The following DPYSL3 variants were observed in gnomAD, a reference collection of about 807,000 sequenced individuals.
DPYSL3 encodes the protein dihydropyrimidinase-related protein 3.
Under a neutral mutation model 66.1 loss-of-function variants are expected in DPYSL3, and 16 were observed. The ratio of observed to expected loss-of-function variants is 0.24; its 90% CI spans 0.16 to 0.37. DPYSL3 has a LOEUF of 0.37. DPYSL3 is among the 10% of genes least tolerant of loss of function. DPYSL3 has a pLI of 1.00. For missense variants in DPYSL3, 738 were observed against 916.2 expected, an observed-to-expected ratio of 0.81 and a Z score of 2.51; for synonymous variants, 338 against 345.1, an observed-to-expected ratio of 0.98 and a Z score of 0.23.
intron 1 of DPYSL3, among the ~76,000 whole-genome samples, chr5:147,477,951 G>A (rs1046117941): frequency 2.0e-5 from 3 of 152,180 alleles, no homozygotes; most frequent in Admixed American, 1.3e-4. Flanking sequence ...AGAGAGAAAA[G>A]GAAGACTGCC....
chr5:147,506,391 A>T (rs542167638), intron 1 of DPYSL3, among the ~76,000 whole-genome samples: 1 of 152,236 alleles, frequency 6.6e-6, no homozygotes, highest in South Asian at 2.1e-4. Flanking sequence ...TGCCATGGAG[A>T]CAATAGTAAG....
At chr5:147,439,424 G>A (rs1752489197) in intron 1 of DPYSL3, among the ~76,000 whole-genome samples, 1 of 152,052 alleles carries the variant, frequency 6.6e-6, no homozygotes, top group African/African-American at 2.4e-5. Flanking sequence ...GGACATGAAA[G>A]TGTCATAATG....
intron 1 of DPYSL3, among the ~76,000 whole-genome samples, chr5:147,490,057 C>A (rs1027128663): frequency 6.6e-6 from 1 of 152,090 alleles, no homozygotes; most frequent in Non-Finnish European, 1.5e-5. Flanking sequence ...GCTCTTATGG[C>A]CCCTGCACCC....
intron 1 of DPYSL3, among the ~76,000 whole-genome samples, chr5:147,472,089 T>C (rs565462942): frequency 5.3e-5 from 8 of 152,202 alleles, no homozygotes; most frequent in Non-Finnish European, 8.8e-5. Context: ...AGCGATGGCT[T>C]GCCCATGGCC....
intron 1 of DPYSL3, among the ~76,000 whole-genome samples, chr5:147,473,889 C>A (rs1753118313): frequency 6.6e-6 from 1 of 151,886 alleles, no homozygotes; most frequent in Non-Finnish European, 1.5e-5. Flanking sequence ...AATTTTTGTT[C>A]CTGAATAAAG....
intron 13 of DPYSL3, among the ~76,000 whole-genome samples, chr5:147,395,216 T>G (rs1757931443): frequency 6.6e-6 from 1 of 152,222 alleles, no homozygotes; most frequent in Non-Finnish European, 1.5e-5. Flanking sequence ...GAAAACATAC[T>G]ATGTTGCATA....
In DPYSL3 at chr5:147,405,615, T is replaced by C; in HGVS notation, c.1148A>G (p.Lys383Arg). Residue 383 changes from lysine to arginine, a missense_variant, in exon 8 of 14, where the codon AAA becomes AGA. By Grantham distance (26) the Lys-to-Arg change is conservative (BLOSUM62 2). Transcript: ENST00000343218. Reference sequence around the variant, plus strand: ...ATCTTGGAAACACAAATCACCTTTTTTCCTGGCTTGTGAGATGAGGTCAGC... The same window carrying C: ...ATCTTGGAAACACAAATCACCTTTTCTCCTGGCTTGTGAGATGAGGTCAGC... ...SAADLISQAR[K>R]KGNVVFGEPI... The C allele has an allele frequency of 6.2e-7, 1 of 1,611,086 alleles. No homozygotes were observed. The highest frequency in any genetic ancestry group is 8.5e-7 in the Non-Finnish European group (1 of 1,178,736).
intron 1 of DPYSL3, among the ~76,000 whole-genome samples, chr5:147,463,756 T>C (rs916185094): frequency 2.0e-5 from 3 of 152,156 alleles, no homozygotes; most frequent in South Asian, 2.1e-4. Flanking sequence ...ATGTCCGTCA[T>C]GCCAGCAAGA....
chr5:147,459,790 C>A (rs1483908589), intron 1 of DPYSL3, among the ~76,000 whole-genome samples: 1 of 152,182 alleles, frequency 6.6e-6, no homozygotes, highest in Non-Finnish European at 1.5e-5. Flanking sequence ...CAACTCATAT[C>A]AAAGCCAAAG....
chr5:147,420,856 T>G (rs1339734083), intron 2 of DPYSL3, among the ~76,000 whole-genome samples: 1 of 152,212 alleles, frequency 6.6e-6, no homozygotes, highest in Non-Finnish European at 1.5e-5. Flanking sequence ...CCTTCAACCC[T>G]GGTTGTAGAT....
rs1753736054 is a variant in DPYSL3, at chr5:147,509,920, G to C, written c.-62C>G. On this transcript the variant is annotated 5_prime_UTR_variant, in exon 1 of 14. Transcript: ENST00000343218. The surrounding 1 kb of genome is among the most constrained non-coding windows in gnomAD (Gnocchi z 5.3). ...CCCAGAGGCGGAAAGGGCAGCCGCC[G>C]GCAGCGTGCGCCGAGCCACAGTGAC... 3.4e-6 allele frequency: 5 copies of C among 1,455,064 alleles called. No individual in the cohort carries two copies. The highest frequency in any genetic ancestry group is 2.7e-6 in the Non-Finnish European group (3 of 1,106,704). 90.1% of individuals were successfully genotyped at this position (1,455,064 alleles called of 1,614,324 possible).
intron 1 of DPYSL3, among the ~76,000 whole-genome samples, chr5:147,505,915 A>T (rs992813717): frequency 1.3e-5 from 2 of 152,196 alleles, no homozygotes. Context: ...CAGCCTCCCC[A>T]CCTGGAAAGA....
At chr5:147,487,854 G>T (rs948629819) in intron 1 of DPYSL3, among the ~76,000 whole-genome samples, 1 of 151,856 alleles carries the variant, frequency 6.6e-6, no homozygotes, top group South Asian at 2.1e-4. Flanking sequence ...AATCCCTCAC[G>T]CCCATTTTGA....
chr5:147,509,904 G>T lies in DPYSL3; in HGVS notation c.-46C>A. On this transcript the variant is annotated 5_prime_UTR_variant, in exon 1 of 14. Coordinates refer to ENST00000343218, the MANE Select transcript of DPYSL3 (RefSeq NM_001197294.2). This position sits in a 1 kb window ranked among gnomAD's most constrained non-coding sequence, Gnocchi z 5.3. ...CCGCGGGTTTTTCTTCCCCAGAGGC[G>T]GAAAGGGCAGCCGCCGGCAGCGTGC... 1 of 1,468,336 alleles carries T rather than the reference G, an allele frequency of 6.8e-7. No individual in the cohort carries two copies. Among genetic ancestry groups the T allele is most frequent in the Non-Finnish European group, 9.0e-7 (1 of 1,111,740 alleles). 91.0% of individuals were successfully genotyped at this position (1,468,336 alleles called of 1,614,324 possible). A position where few individuals can be genotyped will look rare whatever the true frequency, so the allele number is the denominator to read the frequency against.
chr5:147,411,342 C>T (rs1423927971), intron 6 of DPYSL3, among the ~76,000 whole-genome samples: 4 of 152,152 alleles, frequency 2.6e-5, no homozygotes, highest in Admixed American at 6.5e-5. Flanking sequence ...GAAATCACAA[C>T]AGCTGGAGCC....
At chr5:147,488,753 C>T (rs1043702409) in intron 1 of DPYSL3, among the ~76,000 whole-genome samples, 3 of 151,950 alleles carry the variant, frequency 2.0e-5, no homozygotes, top group Non-Finnish European at 4.4e-5. Context: ...AGTGGCTCAT[C>T]CCTGTAATCC....
At chr5:147,480,116 A>C (rs1392027062) in intron 1 of DPYSL3, among the ~76,000 whole-genome samples, 2 of 152,150 alleles carry the variant, frequency 1.3e-5, no homozygotes, top group Non-Finnish European at 2.9e-5. Context: ...AAGTTCTGCA[A>C]ACAGAAGGCA....
chr5:147,452,418 G>A (rs1752748714), intron 1 of DPYSL3, among the ~76,000 whole-genome samples: 2 of 151,100 alleles, frequency 1.3e-5, no homozygotes, highest in East Asian at 2.0e-4. Flanking sequence ...CAAAGATGGA[G>A]TAGCCACCCA....
In DPYSL3 at chr5:147,466,347, G is replaced by C. The variant is rs545498162; in HGVS notation, c.382-41384C>G. Among the ~76,000 whole-genome samples, 5 of 152,234 alleles carry C rather than the reference G, an allele frequency of 3.3e-5. No individual in the cohort carries two copies. The East Asian group carries it at 5.8e-4, about 18-fold the overall frequency. On this transcript the variant is annotated intron_variant, in intron 1 of 13. Coordinates refer to ENST00000343218, the MANE Select transcript of DPYSL3 (RefSeq NM_001197294.2). ...GGGAGTCTGTGTCTCAAATGTGAAG[G>C]GTGTTGTATTCTGAAGGAGTGTTTG...
Sources: gnomAD v4.1 joint callset for allele counts (sites outside exome capture counted in the v4.1 genomes callset) on GRCh38, gnomAD v4.1.1 for gene constraint, Gnocchi (gnomAD v3.1) non-coding constraint, MANE v1.5 for transcripts, NCBI Gene and HGNC (gene_info 2026-07-23, HGNC 2026-07-21) for gene names.